Variants in DNMT1 observed in about 807,000 individuals in gnomAD.
DNMT1 encodes DNA (cytosine-5)-methyltransferase 1.
In DNMT1, 24 loss-of-function variants were observed where a neutral mutation model predicts 205.3. The ratio of observed to expected loss-of-function variants is 0.12; its 90% confidence interval spans 0.08 to 0.16. The LOEUF is 0.16. DNMT1 is among the 10% of genes least tolerant of loss of function. The pLI is 1.00. For synonymous variants in DNMT1, 817 were observed against 839.8 expected (o/e 0.97, Z 0.47); for missense variants, 1,293 against 2,177.7 (o/e 0.59, Z 8.09).
intron 8 of DNMT1, 104 bp from the exon 9 acceptor site, chr19:10,173,278 T>C (rs2038863058): frequency 8.9e-7 from 1 of 1,127,764 alleles, no homozygotes; most frequent in Admixed American, 1.8e-5. Flanking sequence ...ATCTTCATTA[T>C]CTCAGGAGCC....
At chr19:10,136,085 C>T in intron 38 of DNMT1, 36 bp downstream of exon 38, 1 of 1,613,440 alleles carries the variant, frequency 6.2e-7, no homozygotes, top group African/African-American at 1.3e-5. Flanking sequence ...AGTACAGGGC[C>T]TGACCCAGGC....
intron 1 of DNMT1, among the ~76,000 whole-genome samples, chr19:10,193,206 G>GA (rs1198322112): frequency 6.6e-6 from 1 of 151,956 alleles, no homozygotes; most frequent in East Asian, 1.9e-4. Flanking sequence ...CAAAAACTAA[G>GA]AAAGTCATCT....
intron 1 of DNMT1, among the ~76,000 whole-genome samples, chr19:10,183,075 G>GTT (rs1216995342): frequency 8.2e-6 from 1 of 122,152 alleles, no homozygotes; most frequent in Admixed American, 9.2e-5. Flanking sequence ...GTATACATAT[G>GTT]TGTGTGTATA....
intron 3 of DNMT1, 59 bp downstream of exon 3, chr19:10,180,719 A>T (rs2039030506): frequency 6.4e-7 from 1 of 1,554,778 alleles, no homozygotes; most frequent in Non-Finnish European, 8.9e-7. Flanking sequence ...CCCTGGTCAC[A>T]GACAAGTTAC....
chr19:10,179,363 G>T (rs1250978773), intron 5 of DNMT1, among the ~76,000 whole-genome samples: 2 of 151,636 alleles, frequency 1.3e-5, no homozygotes, highest in African/African-American at 2.4e-5. Context: ...TGTTGCCCAG[G>T]CTGGAATTAC....
Position 10,182,735 on chromosome 19 carries a change from T to C in DNMT1, c.81-658A>G, listed in dbSNP as rs987117492. Among the ~76,000 whole-genome samples the C allele has an allele frequency of 2.6e-5, 4 of 151,488 alleles. No individual in the cohort carries two copies. In the Admixed American group the frequency reaches 2.6e-4, roughly 10 times the overall value. ...CCCAGGCTGGAGTGCAGTGGTGCGA[T>C]CTCAGCTCACTGCAACCCTCACCTT... On this transcript the variant is annotated intron_variant, in intron 1 of 40. Transcript: ENST00000359526.
intron 27 of DNMT1, among the ~76,000 whole-genome samples, chr19:10,148,136 A>T (rs1369923317): frequency 1.2e-4 from 17 of 147,634 alleles, no homozygotes; most frequent in East Asian, 7.8e-4. Flanking sequence ...AAAAAAAAAA[A>T]AATTAAAAAA....
chr19:10,141,320 A>C (rs1156447314), intron 30 of DNMT1, 131 bp from the exon 31 acceptor site: 1 of 855,074 alleles, frequency 1.2e-6, no homozygotes, highest in Non-Finnish European at 2.0e-6. Context: ...TTAGCCACCA[A>C]TAAGAGTAGT....
chr19:10,168,413 ATCTT>A (rs1273422261), intron 9 of DNMT1, 49 bp from the exon 10 acceptor site: 1 of 1,592,920 alleles, frequency 6.3e-7, no homozygotes, highest in African/African-American at 1.3e-5. Flanking sequence ...TTTGGTTTGG[ATCTT>A]TCTATTAAAG....
intron 12 of DNMT1, 67 bp from the exon 13 acceptor site, chr19:10,162,815 G>A (rs542754680): frequency 1.6e-5 from 25 of 1,548,210 alleles, no homozygotes; most frequent in African/African-American, 1.2e-4. Flanking sequence ...CAACTCGCAC[G>A]GAAAGTGACA....
At position 10,138,316 on chromosome 19, in the gene DNMT1, G is replaced by C; in HGVS notation, c.4115+123C>G. 1.4e-6 allele frequency: 2 copies of C among 1,458,504 alleles called. No homozygotes were observed. The highest frequency in any genetic ancestry group is 1.9e-6 in the Non-Finnish European group (2 of 1,060,896). 90.3% of individuals were successfully genotyped at this position (1,458,504 alleles called of 1,614,324 possible). A position where few individuals can be genotyped will look rare whatever the true frequency, so the allele number is the denominator to read the frequency against. ...GCAGAGTGCCATGTGGCAGAGCACC[G>C]TGTGGCAGGGCAGATGCTGTACCAT... On this transcript the variant is annotated intron_variant, in intron 35 of 40. Coordinates refer to ENST00000359526, the MANE Select transcript of DNMT1 (RefSeq NM_001130823.3). The surrounding 1 kb of genome is among the most constrained non-coding windows in gnomAD (Gnocchi z 4.1).
chr19:10,141,312 A>T, intron 30 of DNMT1, 123 bp from the exon 31 acceptor site: 1 of 915,252 alleles, frequency 1.1e-6, no homozygotes, highest in South Asian at 1.3e-5. Flanking sequence ...ATGACCAATT[A>T]GCCACCAATA....
intron 7 of DNMT1, among the ~76,000 whole-genome samples, chr19:10,175,178 A>G (rs1227679854): frequency 6.6e-6 from 1 of 151,636 alleles, no homozygotes; most frequent in Non-Finnish European, 1.5e-5. Flanking sequence ...TTGAGCTATG[A>G]CATCATTTCT....
rs2038404383 is a variant in DNMT1, at chr19:10,154,092, G to GC, written c.2019+200dup. Among the ~76,000 whole-genome samples, 1 of 152,308 alleles carries GC rather than the reference G, an allele frequency of 6.6e-6. No homozygotes were observed. Among genetic ancestry groups the GC allele is most frequent in the South Asian group, 2.1e-4 (1 of 4,814 alleles). On this transcript the variant is annotated intron_variant, in intron 22 of 40. Coordinates refer to ENST00000359526, the MANE Select transcript of DNMT1 (RefSeq NM_001130823.3). The surrounding 1 kb of genome is among the most constrained non-coding windows in gnomAD (Gnocchi z 6.3). The stretch of plus-strand genomic sequence containing the variant: ...GTGGCATTATCAGCAAAGCACCCAA[G>GC]CATGCCTCTGTGGACATCTGTCCTA...
Position 10,138,032 on chromosome 19 carries a change from C to T in DNMT1, c.4116-23G>A. ...AACCTGCAACAGAGGAGGAGGTCAA[C>T]ACCTCTGGAGATGCACGCAGCAGCT... On this transcript the variant is annotated intron_variant, in intron 35 of 40. Coordinates refer to ENST00000359526, the MANE Select transcript of DNMT1 (RefSeq NM_001130823.3). This position sits in a 1 kb window ranked among gnomAD's most constrained non-coding sequence, Gnocchi z 4.1. The T allele has an allele frequency of 6.2e-7, 1 of 1,604,454 alleles. No individual in the cohort carries two copies. The highest frequency in any genetic ancestry group is 8.5e-7 in the Non-Finnish European group (1 of 1,175,754).
At chr19:10,144,098 A>T in intron 28 of DNMT1, 111 bp from the exon 29 acceptor site, 1 of 1,097,962 alleles carries the variant, frequency 9.1e-7, no homozygotes, top group Non-Finnish European at 1.4e-6. Context: ...TGATGAATTA[A>T]GGTAGGTGTG....
intron 2 of DNMT1, among the ~76,000 whole-genome samples, chr19:10,181,411 T>G (rs1232179134): frequency 6.6e-6 from 1 of 152,008 alleles, no homozygotes; most frequent in Non-Finnish European, 1.5e-5. Context: ...ATTGTGCCAC[T>G]GCACTCCAGC....
intron 28 of DNMT1, among the ~76,000 whole-genome samples, chr19:10,145,259 G>C (rs1396793724): frequency 6.6e-6 from 1 of 152,212 alleles, no homozygotes; most frequent in Non-Finnish European, 1.5e-5. Context: ...TCTCTGTGCT[G>C]ACTCTCCCAC....
rs1241393253 is a variant in DNMT1 at position 10,173,023 on chromosome 19, T to C, written c.768+67A>G. 6.3e-6 allele frequency: 10 copies of C among 1,591,032 alleles called. No individual in the cohort carries two copies. In the South Asian group the frequency reaches 9.9e-5, roughly 16 times the overall value. On this transcript the variant is annotated intron_variant, in intron 9 of 40. Coordinates refer to ENST00000359526, the MANE Select transcript of DNMT1 (RefSeq NM_001130823.3). ...TTCCCCACCCCCTGTCCCCACGTCC[T>C]GGAAGGAAATTGGGACCATATAGGA...
Sources: allele counts gnomAD v4.1 joint callset (sites outside exome capture counted in the v4.1 genomes callset), GRCh38; gene constraint gnomAD v4.1.1; non-coding constraint Gnocchi (gnomAD v3.1); transcripts MANE v1.5; gene names NCBI Gene and HGNC (gene_info 2026-07-23, HGNC 2026-07-21).